Variants in AAAS observed in about 807,000 individuals in gnomAD.
The protein encoded by AAAS is aladin.
In AAAS, 60 loss-of-function variants were observed where a neutral mutation model predicts 75.6. The observed-to-expected ratio is 0.79, with a 90% CI of 0.64 to 0.98. The LOEUF is 0.98. Among genes scored for constraint, AAAS ranks in the 50% least tolerant of loss-of-function variants. The probability of loss-of-function intolerance (pLI) is 0.00; values close to 1 mark genes in which losing one functional copy is unlikely to be tolerated. For missense variants in AAAS, 658 were observed against 686.9 expected, an observed-to-expected ratio of 0.96 and a Z score of 0.47; for synonymous variants, 271 against 265.0, an observed-to-expected ratio of 1.02 and a Z score of -0.22.
intron 7 of AAAS, among the ~76,000 whole-genome samples, chr12:53,311,188 T>G (rs141355269): frequency 6.6e-6 from 1 of 152,256 alleles, no homozygotes; most frequent in African/African-American, 2.4e-5. Context: ...AAGCGATCCA[T>G]CTGCCTCAGC....
intron 5 of AAAS, 103 bp downstream of exon 5, chr12:53,314,991 G>T: frequency 1.3e-6 from 2 of 1,493,570 alleles, no homozygotes; most frequent in Non-Finnish European, 1.9e-6. Context: ...ATGAGAATAT[G>T]GTGAGCAATC....
chr12:53,310,677 T>C (rs1386367830), intron 7 of AAAS, among the ~76,000 whole-genome samples: 1 of 152,200 alleles, frequency 6.6e-6, no homozygotes, highest in East Asian at 1.9e-4. Context: ...GTGCCTGGCC[T>C]GACAGACGAA....
intron 2 of AAAS, among the ~76,000 whole-genome samples, chr12:53,318,273 T>TGTGTGTGTGTG (rs1230106640): frequency 4.6e-5 from 7 of 151,104 alleles, no homozygotes; most frequent in African/African-American, 1.7e-4. Flanking sequence ...TGTGTGTGTG[T>TGTGTGTGTGTG]TAAGACGGAG....
intron 7 of AAAS, 36 bp downstream of exon 7, chr12:53,314,262 T>G (rs754431109): frequency 1.7e-5 from 27 of 1,613,802 alleles, no homozygotes; most frequent in African/African-American, 2.7e-5. Context: ...ATTGCACAAC[T>G]CTCAGGCCAA....
At chr12:53,319,970 AT>A (rs1944527983) in intron 2 of AAAS, among the ~76,000 whole-genome samples, 2 of 135,560 alleles carry the variant, frequency 1.5e-5, no homozygotes, top group South Asian at 4.9e-4. Flanking sequence ...AAAATACAAA[AT>A]TAGCTGGGCG....
chr12:53,310,574 AAAG>A (rs988657581), intron 7 of AAAS, among the ~76,000 whole-genome samples: 1 of 152,048 alleles, frequency 6.6e-6, no homozygotes, highest in Non-Finnish European at 1.5e-5. Flanking sequence ...AAAAAAAAAA[AAAG>A]ATGCAGCATG....
rs528160693 is a variant in AAAS, at chr12:53,318,010, T to C, written c.252-2228A>G. On this transcript the variant is annotated intron_variant, in intron 2 of 15. Transcript: ENST00000209873. Reference sequence around the variant, plus strand: ...AAGCCATTATGACAATCCTACAAGATAGGTATTGTTATCACTGCATTTATT... The same window carrying C: ...AAGCCATTATGACAATCCTACAAGACAGGTATTGTTATCACTGCATTTATT... 3.3e-5 allele frequency among the ~76,000 whole-genome samples: 5 copies of C among 152,250 alleles called. No homozygotes were observed. In the East Asian group the frequency reaches 7.7e-4, roughly 23 times the overall value.
chr12:53,321,228 T>A, intron 1 of AAAS, 115 bp downstream of exon 1: 1 of 1,502,618 alleles, frequency 6.7e-7, no homozygotes, highest in Non-Finnish European at 9.0e-7. Context: ...GGGGCCAAGC[T>A]GTTTCCACTC....
intron 2 of AAAS, among the ~76,000 whole-genome samples, chr12:53,318,253 T>C (rs200047342): frequency 2.1e-4 from 18 of 85,492 alleles, no homozygotes; most frequent in South Asian, 6.3e-4. Context: ...TGCGTGTGTG[T>C]GTGTGTGTGT....
At chr12:53,318,786 C>T (rs186314844) in intron 2 of AAAS, among the ~76,000 whole-genome samples, 8 of 152,206 alleles carry the variant, frequency 5.3e-5, no homozygotes, top group Admixed American at 4.6e-4. Flanking sequence ...TTGGCAAACA[C>T]GTGAACACCA....
chr12:53,318,211 A>G (rs1944492295), intron 2 of AAAS, among the ~76,000 whole-genome samples: 1 of 112,992 alleles, frequency 8.9e-6, no homozygotes, highest in African/African-American at 3.1e-5. Context: ...TTTTTTGTAG[A>G]GATGGGGTTT....
At position 53,309,047 on chromosome 12, in the gene AAAS, C is replaced by G. The variant is rs776289940; in HGVS notation, c.936-27G>C. 7 of 1,614,226 alleles carry G rather than the reference C, an allele frequency of 4.3e-6. No individual in the cohort carries two copies. The South Asian group carries it at 5.5e-5, about 13-fold the overall frequency. On this transcript the variant is annotated intron_variant, in intron 9 of 15. Transcript: ENST00000209873. ...TGAGCCAGAGAAAAGCAAATTACAG[C>G]TCAGGACCTCTAAGTTCTAAAAGTT...
chr12:53,309,337 T>C, intron 8 of AAAS, 56 bp from the exon 9 acceptor site: 1 of 1,609,168 alleles, frequency 6.2e-7, no homozygotes, highest in South Asian at 1.1e-5. Context: ...CATCTCACAG[T>C]GGGCTGGCCT....
rs766520045 is a variant in AAAS, at chr12:53,309,133, T to G, written c.935+24A>C. 3.7e-6 allele frequency: 6 copies of G among 1,614,048 alleles called. No individual in the cohort carries two copies. The African/African-American group carries it at 4.0e-5, about 11-fold the overall frequency. Reference sequence around the variant, plus strand: ...AGTGCCTTTCTCTAGGTCCTTGCCCTCCCTCCATCCTTGTCCCACTCACCG... The same window carrying G: ...AGTGCCTTTCTCTAGGTCCTTGCCCGCCCTCCATCCTTGTCCCACTCACCG... On this transcript the variant is annotated intron_variant, in intron 9 of 15. Coordinates refer to ENST00000209873, the MANE Select transcript of AAAS (RefSeq NM_015665.6).
At chr12:53,320,095 G>A (rs1944530064) in intron 2 of AAAS, among the ~76,000 whole-genome samples, 1 of 151,888 alleles carries the variant, frequency 6.6e-6, no homozygotes, top group South Asian at 2.1e-4. Context: ...TCCAGCCTGG[G>A]CAACAAGAGT....
At chr12:53,311,086 G>A (rs1484651036) in intron 7 of AAAS, among the ~76,000 whole-genome samples, 1 of 151,992 alleles carries the variant, frequency 6.6e-6, no homozygotes, top group East Asian at 1.9e-4. Context: ...AGGACTACAG[G>A]CGTACACCCC....
intron 2 of AAAS, among the ~76,000 whole-genome samples, chr12:53,317,827 T>C (rs1339079522): frequency 6.6e-6 from 1 of 151,278 alleles, no homozygotes; most frequent in Non-Finnish European, 1.5e-5. Context: ...AAGAGACAGA[T>C]TTGAGAGATT....
At chr12:53,315,532 C>T (rs1183919784) in intron 3 of AAAS, 106 bp from the exon 4 acceptor site, 6 of 1,220,876 alleles carry the variant, frequency 4.9e-6, no homozygotes, top group African/African-American at 1.5e-5. Context: ...GGTCCTTCTG[C>T]CCAGTAAGTG....
At position 53,307,767 on chromosome 12, in the gene AAAS, T is replaced by C. The variant is rs1944312329; in HGVS notation, c.1417-54A>G. 4.3e-6 allele frequency: 7 copies of C among 1,612,918 alleles called. No individual in the cohort carries two copies. In the Admixed American group the frequency reaches 1.2e-4, roughly 27 times the overall value. ...AGTCTGGGCCCAAAGAAGGGCCACCTGGCAGAGCCATACAGCAGCCAAGGC... is the reference window on the plus strand; with the variant it reads ...AGTCTGGGCCCAAAGAAGGGCCACCCGGCAGAGCCATACAGCAGCCAAGGC... On this transcript the variant is annotated intron_variant, in intron 15 of 15. Transcript: ENST00000209873.
Sources: allele counts gnomAD v4.1 joint callset (sites outside exome capture counted in the v4.1 genomes callset), GRCh38; gene constraint gnomAD v4.1.1; transcripts MANE v1.5; gene names NCBI Gene and HGNC (gene_info 2026-07-23, HGNC 2026-07-21).